PTPRD: variants seen among roughly 807,000 people sequenced by gnomAD.
PTPRD encodes receptor-type tyrosine-protein phosphatase delta.
Under a neutral mutation model 214.5 loss-of-function variants are expected in PTPRD, and 34 were observed. The observed-to-expected ratio is 0.16, with a 90% CI of 0.12 to 0.21. The LOEUF is 0.21. PTPRD is among the 10% of genes least tolerant of loss of function. PTPRD has a pLI of 1.00. For missense variants in PTPRD, 2,545 were observed against 2,398.7 expected, an observed-to-expected ratio of 1.06 and a Z score of -1.27; for synonymous variants, 1,128 against 845.7, an observed-to-expected ratio of 1.33 and a Z score of -5.79.
chr9:8,615,744 G>GA (rs1382485623), intron 14 of PTPRD, among the ~76,000 whole-genome samples: 3 of 150,890 alleles, frequency 2.0e-5, no homozygotes, highest in East Asian at 1.9e-4. Flanking sequence ...ACATTAAAAA[G>GA]AAAAAAAAAT....
intron 28 of PTPRD, 59 bp from the exon 29 acceptor site, chr9:8,485,383 T>A (rs1307644740): frequency 1.6e-6 from 2 of 1,224,340 alleles, no homozygotes; most frequent in Non-Finnish European, 2.4e-6. Flanking sequence ...GACCTGTCCT[T>A]TCCACCATGG....
In PTPRD at chr9:8,524,864, G is replaced by A. The variant is rs887893635; in HGVS notation, c.679+61C>T. 2.1e-5 allele frequency: 28 copies of A among 1,344,838 alleles called. No homozygotes were observed. The African/African-American group carries it at 3.0e-4, about 15-fold the overall frequency. 83.3% of individuals were successfully genotyped at this position (1,344,838 alleles called of 1,614,324 possible). A position where few individuals can be genotyped will look rare whatever the true frequency, so the allele number is the denominator to read the frequency against. On this transcript the variant is annotated intron_variant, in intron 18 of 45. Coordinates refer to ENST00000381196, the MANE Select transcript of PTPRD (RefSeq NM_002839.4). ...ACTAATATAACAACACGGACCCTGCGGCGTCTCAACTCCCCCTGAGCCTGA... is the reference window on the plus strand; with the variant it reads ...ACTAATATAACAACACGGACCCTGCAGCGTCTCAACTCCCCCTGAGCCTGA...
intron 9 of PTPRD, among the ~76,000 whole-genome samples, chr9:9,256,869 G>A (rs970565674): frequency 6.6e-6 from 1 of 151,972 alleles, no homozygotes. Context: ...CCTAAACTCT[G>A]TTGACATCTC....
intron 3 of PTPRD, among the ~76,000 whole-genome samples, chr9:10,066,910 A>G (rs903747346): frequency 6.6e-6 from 1 of 151,816 alleles, no homozygotes; most frequent in Non-Finnish European, 1.5e-5. Context: ...TCTTACAGAA[A>G]TCTCACTCCT....
At chr9:8,454,532 T>A (rs756332284) in intron 33 of PTPRD, 1 of 1,606,820 alleles carries the variant, frequency 6.2e-7, no homozygotes, top group Non-Finnish European at 8.5e-7. Context: ...TCTACCAGTT[T>A]ATTTTTTTCT....
At chr9:9,404,674 G>A (rs906864369) in intron 8 of PTPRD, among the ~76,000 whole-genome samples, 5 of 152,114 alleles carry the variant, frequency 3.3e-5, no homozygotes, top group East Asian at 1.9e-4. Context: ...AGTTGGATGC[G>A]GAAACCTATA....
At chr9:10,145,751 C>A (rs1054620333) in intron 3 of PTPRD, among the ~76,000 whole-genome samples, 1 of 152,050 alleles carries the variant, frequency 6.6e-6, no homozygotes, top group African/African-American at 2.4e-5. Context: ...CGTATATATA[C>A]ACACACAGAC....
intron 9 of PTPRD, among the ~76,000 whole-genome samples, chr9:9,201,141 T>C (rs1004224718): frequency 6.6e-6 from 1 of 152,156 alleles, no homozygotes; most frequent in Non-Finnish European, 1.5e-5. Flanking sequence ...CAGAAAAGCT[T>C]TTTTCTTTTT....
At chr9:9,881,600 T>A (rs1350650752) in intron 5 of PTPRD, among the ~76,000 whole-genome samples, 1 of 152,184 alleles carries the variant, frequency 6.6e-6, no homozygotes. Flanking sequence ...CAGTTAGCTT[T>A]GGAACTTCAG....
chr9:9,193,137 AC>A (rs1346713786), intron 9 of PTPRD, among the ~76,000 whole-genome samples: 2 of 152,154 alleles, frequency 1.3e-5, no homozygotes, highest in African/African-American at 2.4e-5. Flanking sequence ...AAAATGAGTG[AC>A]CAGCTTGCAT....
At chr9:10,111,238 T>TTC (rs1281360550) in intron 3 of PTPRD, among the ~76,000 whole-genome samples, 7 of 128,532 alleles carry the variant, frequency 5.4e-5, no homozygotes, top group African/African-American at 1.8e-4. Context: ...TCTTTTTTTT[T>TTC]TTTTTTTTTT....
intron 2 of PTPRD, among the ~76,000 whole-genome samples, chr9:10,573,659 G>A (rs941746053): frequency 7.9e-5 from 12 of 152,096 alleles, no homozygotes; most frequent in African/African-American, 2.2e-4. Flanking sequence ...AATCCTGCAC[G>A]GGGCTACAGC....
chr9:10,456,406 G>T (rs114888031), intron 2 of PTPRD, among the ~76,000 whole-genome samples: 1,798 of 151,876 alleles, frequency 0.012, 32 homozygotes, highest in African/African-American at 0.039. Flanking sequence ...CACTATTAGA[G>T]GTGGAAACAT....
In PTPRD at chr9:8,528,754, A is replaced by G. The variant is rs2139483216; in HGVS notation, c.378T>C (p.Pro126=). The change falls in exon 15 of 46, where the codon CCT becomes CCC. Residue 126 remains proline, a synonymous_variant. Coordinates refer to ENST00000381196, the MANE Select transcript of PTPRD (RefSeq NM_002839.4). Reference sequence around the variant, plus strand: ...TCAACTGTGGGCCCATGTCAATGGTAGGGAAGCCCCTGGGAATTTGATCTT... The same window carrying G: ...TCAACTGTGGGCCCATGTCAATGGTGGGGAAGCCCCTGGGAATTTGATCTT... ...LREDQIPRGF[P]TIDMGPQLKV... 6.2e-7 allele frequency: 1 copy of G among 1,613,386 alleles called. No homozygotes were observed. Among genetic ancestry groups the G allele is most frequent in the Non-Finnish European group, 8.5e-7 (1 of 1,179,580 alleles).
chr9:10,131,513 AT>A, intron 3 of PTPRD, among the ~76,000 whole-genome samples: 1 of 152,344 alleles, frequency 6.6e-6, no homozygotes. Context: ...ATGTAAAAAT[AT>A]AGTAACAAAA....
chr9:10,543,473 T>C (rs1455053673), intron 2 of PTPRD, among the ~76,000 whole-genome samples: 3 of 54,342 alleles, frequency 5.5e-5, no homozygotes, highest in East Asian at 7.4e-4. Flanking sequence ...GTTTAATATA[T>C]ATATATACAC....
At chr9:10,378,865 A>G (rs10959082) in intron 2 of PTPRD, among the ~76,000 whole-genome samples, 14,575 of 151,986 alleles carry the variant, frequency 0.096, 1,664 homozygotes, top group East Asian at 0.56. Context: ...TGTCATTGGT[A>G]TTTTAATAGG....
Position 9,243,106 on chromosome 9 carries a change from C to T in PTPRD, c.-202-59743G>A, listed in dbSNP as rs1482137576. Reference sequence around the variant, plus strand: ...TCTGTTGGAGTTTCCTGGAGGTCAACACCAGACCCTGTTTGCCTGGGTATC... The same window carrying T: ...TCTGTTGGAGTTTCCTGGAGGTCAATACCAGACCCTGTTTGCCTGGGTATC... On this transcript the variant is annotated intron_variant, in intron 9 of 45. Transcript: ENST00000381196. 2.6e-5 allele frequency among the ~76,000 whole-genome samples: 4 copies of T among 152,106 alleles called. No homozygotes were observed. The East Asian group carries it at 5.8e-4, about 22-fold the overall frequency.
At chr9:9,599,626 C>A (rs911708727) in intron 7 of PTPRD, among the ~76,000 whole-genome samples, 14 of 151,416 alleles carry the variant, frequency 9.2e-5, no homozygotes, top group Admixed American at 4.0e-4. Context: ...GTAATTTCCA[C>A]AAATTTATCT....
Sources: gnomAD v4.1 joint callset for allele counts (sites outside exome capture counted in the v4.1 genomes callset) on GRCh38, gnomAD v4.1.1 for gene constraint, MANE v1.5 for transcripts, NCBI Gene and HGNC (gene_info 2026-07-23, HGNC 2026-07-21) for gene names.